ADAMTS2: variants seen among roughly 807,000 people sequenced by gnomAD.
ADAMTS2 encodes A disintegrin and metalloproteinase with thrombospondin motifs 2.
A neutral mutation model predicts 123.0 loss-of-function variants in ADAMTS2; 50 were observed. That is an observed-to-expected ratio of 0.41 (90% CI 0.32 to 0.51). ADAMTS2 has a LOEUF of 0.51. Ranked by LOEUF, ADAMTS2 falls within the 20% of genes least tolerant of loss-of-function variation. ADAMTS2 has a pLI of 0.35. For synonymous variants in ADAMTS2, 678 were observed against 695.4 expected (o/e 0.98, Z 0.39); for missense variants, 1,494 against 1,705.2 (o/e 0.88, Z 2.18).
intron 5 of ADAMTS2, among the ~76,000 whole-genome samples, chr5:179,159,903 C>T (rs1220719481): frequency 2.0e-5 from 3 of 152,170 alleles, no homozygotes; most frequent in Admixed American, 6.5e-5. Context: ...CTGTGAGCGG[C>T]ACCCTTCCTT....
intron 3 of ADAMTS2, among the ~76,000 whole-genome samples, chr5:179,209,136 G>A (rs562425197): frequency 7.4e-4 from 113 of 152,304 alleles, no homozygotes; most frequent in African/African-American, 2.6e-3. Context: ...AGGCAGCCTG[G>A]TACCAGGCCC....
At chr5:179,121,870 C>T (rs1762770222) in intron 20 of ADAMTS2, 120 bp from the exon 21 acceptor site, 1 of 629,738 alleles carries the variant, frequency 1.6e-6, no homozygotes. Flanking sequence ...CCTCGCCTCC[C>T]CGGGCGGACA....
chr5:179,333,272 G>A (rs1026334538), intron 2 of ADAMTS2, among the ~76,000 whole-genome samples: 7 of 152,216 alleles, frequency 4.6e-5, no homozygotes, highest in African/African-American at 1.7e-4. Flanking sequence ...TGTGAGGCAG[G>A]TGGTGTCTTA....
intron 17 of ADAMTS2, among the ~76,000 whole-genome samples, 182 bp from the exon 18 acceptor site, chr5:179,126,312 TG>T (rs1377677805): frequency 6.6e-6 from 1 of 152,080 alleles, no homozygotes; most frequent in Non-Finnish European, 1.5e-5. Context: ...GTGTCCCGGG[TG>T]GAGGGGCGAG....
At chr5:179,220,967 G>A (rs370428305) in intron 3 of ADAMTS2, among the ~76,000 whole-genome samples, 1 of 152,012 alleles carries the variant, frequency 6.6e-6, no homozygotes. Flanking sequence ...CCACGTGCAG[G>A]GACTCAGCAC....
chr5:179,117,473 A>G lies in ADAMTS2; in HGVS notation c.3179-3149T>C, dbSNP rs1343193818. ...CATCAGCCTGGTACAGTGGTGGGCC[A>G]TCTACGGCTAGTGTGCCAAGTCCCT... On this transcript the variant is annotated intron_variant, in intron 21 of 21. Transcript: ENST00000251582. This position sits in a 1 kb window ranked among gnomAD's most constrained non-coding sequence, Gnocchi z 4.2. Among the ~76,000 whole-genome samples, 1 of 152,114 alleles carries G rather than the reference A, an allele frequency of 6.6e-6. No homozygotes were observed. Among genetic ancestry groups the G allele is most frequent in the Non-Finnish European group, 1.5e-5 (1 of 68,028 alleles).
Position 179,234,763 on chromosome 5 carries a change from G to C in ADAMTS2, c.689-27048C>G, listed in dbSNP as rs756853009. 9.9e-5 allele frequency among the ~76,000 whole-genome samples: 15 copies of C among 152,046 alleles called. No individual in the cohort carries two copies. Among genetic ancestry groups the C allele is most frequent in the South Asian group, 6.2e-4 (3 of 4,820 alleles). On this transcript the variant is annotated intron_variant, in intron 3 of 21. Transcript: ENST00000251582. This position sits in a 1 kb window ranked among gnomAD's most constrained non-coding sequence, Gnocchi z 4.7. ...TGAGCTCAGCCCCTCCCTCTACCTG[G>C]ATGCAGCAGCCTCCTCCCAGACCTG...
Position 179,129,339 on chromosome 5 carries a change from G to T in ADAMTS2, c.2457+593C>A, listed in dbSNP as rs11749973. 2.0e-5 allele frequency among the ~76,000 whole-genome samples: 3 copies of T among 152,204 alleles called. No individual in the cohort carries two copies. Among genetic ancestry groups the T allele is most frequent in the African/African-American group, 7.2e-5 (3 of 41,432 alleles). On this transcript the variant is annotated intron_variant, in intron 16 of 21. Transcript: ENST00000251582. The surrounding 1 kb of genome is among the most constrained non-coding windows in gnomAD (Gnocchi z 4.1). ...TCCCAATGCCAGCATGCCCACCTTA[G>T]GGAGGGGCTCCAGAGCATGGGAGCC...
At chr5:179,138,009 T>C (rs1763096302) in intron 11 of ADAMTS2, 65 bp from the exon 12 acceptor site, 3 of 1,515,238 alleles carry the variant, frequency 2.0e-6, no homozygotes, top group East Asian at 2.5e-5. Context: ...CCGGGTGCCC[T>C]TGTGAGATCT....
chr5:179,345,183 C>A lies in ADAMTS2; in HGVS notation c.139+7G>T. 4 of 1,105,082 alleles carry A rather than the reference C, an allele frequency of 3.6e-6. No homozygotes were observed. Among genetic ancestry groups the A allele is most frequent in the Non-Finnish European group, 3.3e-6 (3 of 911,252 alleles). 68.5% of individuals were successfully genotyped at this position (1,105,082 alleles called of 1,614,324 possible). A position where few individuals can be genotyped will look rare whatever the true frequency, so the allele number is the denominator to read the frequency against. On this transcript the variant is annotated splice_region_variant and intron_variant, in intron 1 of 21. Coordinates refer to ENST00000251582, the MANE Select transcript of ADAMTS2 (RefSeq NM_014244.5). The surrounding 1 kb of genome is among the most constrained non-coding windows in gnomAD (Gnocchi z 7.5). ...GTCCCGGGGAGTAGGGGCCGGGCCG[C>A]ACCTACCTGGGGGGTCGGCGGCGGC...
At chr5:179,133,355 C>T (rs1762998961) in intron 13 of ADAMTS2, among the ~76,000 whole-genome samples, 1 of 152,110 alleles carries the variant, frequency 6.6e-6, no homozygotes, top group Non-Finnish European at 1.5e-5. Context: ...GCAACCTCTG[C>T]CTCCTGGGTT....
At chr5:179,241,347 C>T (rs1300821081) in intron 3 of ADAMTS2, among the ~76,000 whole-genome samples, 1 of 152,224 alleles carries the variant, frequency 6.6e-6, no homozygotes, top group Non-Finnish European at 1.5e-5. Context: ...GCTGCCCCAG[C>T]CAGCCTCTGT....
At chr5:179,194,524 C>A (rs1282451732) in intron 4 of ADAMTS2, among the ~76,000 whole-genome samples, 5 of 152,110 alleles carry the variant, frequency 3.3e-5, no homozygotes, top group Admixed American at 3.3e-4. Context: ...CGGGTGTGGC[C>A]AGGGGACTCC....
At position 179,153,140 on chromosome 5, in the gene ADAMTS2, G is replaced by A. The variant is rs567927985; in HGVS notation, c.1515+351C>T. 5.3e-5 allele frequency among the ~76,000 whole-genome samples: 8 copies of A among 151,704 alleles called. No individual in the cohort carries two copies. The South Asian group carries it at 8.3e-4, about 16-fold the overall frequency. ...CTCTGCGTCCGTGGCCTCTGCGTCCGTGGCCCTCCCTTCCTGAATGCCCTC... is the reference window on the plus strand; with the variant it reads ...CTCTGCGTCCGTGGCCTCTGCGTCCATGGCCCTCCCTTCCTGAATGCCCTC... On this transcript the variant is annotated intron_variant, in intron 9 of 21. Coordinates refer to ENST00000251582, the MANE Select transcript of ADAMTS2 (RefSeq NM_014244.5).
chr5:179,122,910 T>A (rs896804494), intron 19 of ADAMTS2, 137 bp from the exon 20 acceptor site: 8 of 1,398,916 alleles, frequency 5.7e-6, no homozygotes, highest in Middle Eastern at 2.1e-4. Flanking sequence ...AGAGTGGGGT[T>A]TCAGGTTGCC....
chr5:179,113,800 T>C lies in ADAMTS2; in HGVS notation c.*67A>G. ...TTGACTTCATCTCCATGACACAGGA[T>C]TTGCTATCCCATGGAATATCTCTAT... On this transcript the variant is annotated 3_prime_UTR_variant, in exon 22 of 22. Coordinates refer to ENST00000251582, the MANE Select transcript of ADAMTS2 (RefSeq NM_014244.5). 6.7e-7 allele frequency: 1 copy of C among 1,493,722 alleles called. No individual in the cohort carries two copies. Among genetic ancestry groups the C allele is most frequent in the Non-Finnish European group, 9.3e-7 (1 of 1,071,294 alleles). 92.5% of individuals were successfully genotyped at this position (1,493,722 alleles called of 1,614,324 possible). A position where few individuals can be genotyped will look rare whatever the true frequency, so the allele number is the denominator to read the frequency against.
chr5:179,134,829 GGCTCC>G (rs1763028755), intron 13 of ADAMTS2, among the ~76,000 whole-genome samples: 3 of 82,964 alleles, frequency 3.6e-5, no homozygotes, highest in African/African-American at 1.6e-4. Context: ...CCCAGCTCCC[GGCTCC>G]AGCCCCCAGC....
At chr5:179,277,325 C>CCA (rs1306028278) in intron 2 of ADAMTS2, among the ~76,000 whole-genome samples, 2 of 52,884 alleles carry the variant, frequency 3.8e-5, no homozygotes, top group African/African-American at 1.4e-4. Flanking sequence ...GCTGACACCC[C>CCA]GAGACCAAAG....
At chr5:179,134,751 GCTCCAGCTCCAGCTCCCGGCTCCATC>G (rs1763023545) in intron 13 of ADAMTS2, among the ~76,000 whole-genome samples, 1 of 112,722 alleles carries the variant, frequency 8.9e-6, no homozygotes, top group African/African-American at 2.8e-5. Context: ...CCAGCTCCCG[GCTCCAGCTCCAGCTCCCGGCTCCATC>G]CCCCAGCTCC....
Sources: allele counts gnomAD v4.1 joint callset (sites outside exome capture counted in the v4.1 genomes callset), GRCh38; gene constraint gnomAD v4.1.1; non-coding constraint Gnocchi (gnomAD v3.1); transcripts MANE v1.5; gene names NCBI Gene and HGNC (gene_info 2026-07-23, HGNC 2026-07-21).